The following KCNMA1 variants were observed in gnomAD, a reference collection of about 807,000 sequenced individuals.
KCNMA1 encodes potassium calcium-activated channel subfamily M alpha 1, also known as Calcium-activated potassium channel subunit alpha-1.
In KCNMA1, 29 loss-of-function variants were observed where a neutral mutation model predicts 140.0. The ratio of observed to expected loss-of-function variants is 0.21; its 90% CI spans 0.15 to 0.28. KCNMA1 has a LOEUF of 0.28. KCNMA1 is among the 10% of genes least tolerant of loss of function. The pLI, the probability that KCNMA1 is intolerant of heterozygous loss-of-function variation, is 1.00. For synonymous variants in KCNMA1, 612 were observed against 611.9 expected (o/e 1.00, Z 0.00); for missense variants, 880 against 1,602.2 (o/e 0.55, Z 7.70).
rs111407568 is a variant in KCNMA1 at position 77,060,912 on chromosome 10, C to A, written c.1749+12185G>T. Among the ~76,000 whole-genome samples, 452 of 152,204 alleles carry A rather than the reference C, an allele frequency of 3.0e-3. 1 individual carries two copies. Among genetic ancestry groups the A allele is most frequent in the African/African-American group, 0.01 (426 of 41,540 alleles). ...CCAGAAGCTAGAAAATGCAAGGAAACAGATTCTCCTCTAGAGCCCCCAGAA... is the reference window on the plus strand; with the variant it reads ...CCAGAAGCTAGAAAATGCAAGGAAAAAGATTCTCCTCTAGAGCCCCCAGAA... On this transcript the variant is annotated intron_variant, in intron 14 of 27. Transcript: ENST00000286628.
intron 2 of KCNMA1, among the ~76,000 whole-genome samples, chr10:77,265,705 C>T (rs2063239723): frequency 6.6e-6 from 1 of 152,034 alleles, no homozygotes; most frequent in Non-Finnish European, 1.5e-5. Flanking sequence ...GTTGAAATAT[C>T]ATCTCCATTG....
downstream of KCNMA1, among the ~76,000 whole-genome samples, chr10:76,882,964 T>C (rs2035261751): frequency 6.6e-6 from 1 of 152,228 alleles, no homozygotes; most frequent in South Asian, 2.1e-4. Flanking sequence ...CTCTTTCTCC[T>C]TCAAGGAGCC....
intron 1 of KCNMA1, among the ~76,000 whole-genome samples, chr10:77,586,037 T>C (rs1227325335): frequency 2.6e-5 from 4 of 152,206 alleles, no homozygotes; most frequent in African/African-American, 9.7e-5. Context: ...CAGAGTGAAA[T>C]GGAACATCCC....
intron 14 of KCNMA1, among the ~76,000 whole-genome samples, chr10:77,047,594 T>C (rs2095142758): frequency 6.6e-6 from 1 of 151,770 alleles, no homozygotes; most frequent in Non-Finnish European, 1.5e-5. Context: ...TGGTCTTTTT[T>C]TTTTTTTTTT....
intron 1 of KCNMA1, among the ~76,000 whole-genome samples, chr10:77,477,707 G>A (rs2154530516): frequency 1.3e-5 from 2 of 152,296 alleles, no homozygotes; most frequent in Non-Finnish European, 2.9e-5. Context: ...CCTTTCTTTA[G>A]AGCTGTGTCC....
At chr10:76,953,977 TG>T in intron 20 of KCNMA1, 53 bp from the exon 21 acceptor site, 1 of 1,591,730 alleles carries the variant, frequency 6.3e-7, no homozygotes, top group Non-Finnish European at 8.6e-7. Flanking sequence ...AAATTATAAA[TG>T]GAAAGTGCCC....
At chr10:77,317,725 T>C (rs1231514019) in intron 2 of KCNMA1, among the ~76,000 whole-genome samples, 1 of 152,258 alleles carries the variant, frequency 6.6e-6, no homozygotes. Context: ...AAGGCCGCTG[T>C]ACATTTCATT....
chr10:77,090,906 A>G (rs1019637693), intron 9 of KCNMA1: 1 of 291,506 alleles, frequency 3.4e-6, no homozygotes, highest in Non-Finnish European at 6.7e-6. Context: ...TTACTGTATG[A>G]GTCTTGGTTT....
At chr10:76,878,548 G>A (rs1281357187) in intron 29 of KCNMA1, among the ~76,000 whole-genome samples, 1 of 152,094 alleles carries the variant, frequency 6.6e-6, no homozygotes. Context: ...TTTTGAGGTG[G>A]CTTTTATTTC....
chr10:77,637,658 G>A lies in KCNMA1; in HGVS notation c.-16C>T, dbSNP rs2154572213. On this transcript the variant is annotated 5_prime_UTR_variant, in exon 1 of 28. Coordinates refer to ENST00000286628, the MANE Select transcript of KCNMA1 (RefSeq NM_001161352.2). Reference sequence around the variant, plus strand: ...CATTTGCCATAGCTAGCAACGGGCAGCCGGCGCAGGGGCTCGGGGGAGCTC... The same window carrying A: ...CATTTGCCATAGCTAGCAACGGGCAACCGGCGCAGGGGCTCGGGGGAGCTC... 1.3e-6 allele frequency: 2 copies of A among 1,496,878 alleles called. No homozygotes were observed. Among genetic ancestry groups the A allele is most frequent in the East Asian group, 2.5e-5 (1 of 39,986 alleles). 92.7% of individuals were successfully genotyped at this position (1,496,878 alleles called of 1,614,324 possible).
intron 1 of KCNMA1, among the ~76,000 whole-genome samples, chr10:77,588,154 G>T (rs1414250914): frequency 6.6e-6 from 1 of 152,156 alleles, no homozygotes; most frequent in African/African-American, 2.4e-5. Flanking sequence ...CTAAGACAGT[G>T]CCTAAGTGGC....
At chr10:76,923,504 T>A (rs2056675725) in intron 23 of KCNMA1, among the ~76,000 whole-genome samples, 1 of 151,510 alleles carries the variant, frequency 6.6e-6, no homozygotes, top group Non-Finnish European at 1.5e-5. Flanking sequence ...AAGGGTTGGT[T>A]AAGGGGAGGA....
At chr10:77,214,134 G>T (rs542562190) in intron 3 of KCNMA1, among the ~76,000 whole-genome samples, 1 of 152,144 alleles carries the variant, frequency 6.6e-6, no homozygotes, top group Non-Finnish European at 1.5e-5. Context: ...GGAAATGACT[G>T]GTTTCGCTTT....
intron 23 of KCNMA1, among the ~76,000 whole-genome samples, chr10:76,915,500 G>A (rs572960487): frequency 6.6e-5 from 10 of 152,284 alleles, no homozygotes; most frequent in Non-Finnish European, 1.5e-4. Flanking sequence ...TGAGAATACA[G>A]GTTACTATGG....
At chr10:77,080,720 C>T (rs2096544450) in intron 12 of KCNMA1, among the ~76,000 whole-genome samples, 1 of 151,892 alleles carries the variant, frequency 6.6e-6, no homozygotes, top group Admixed American at 6.5e-5. Context: ...GAAAGCGAGC[C>T]CAAATCATGG....
intron 2 of KCNMA1, among the ~76,000 whole-genome samples, chr10:77,343,418 G>A (rs1302641371): frequency 6.6e-6 from 1 of 152,086 alleles, no homozygotes; most frequent in East Asian, 1.9e-4. Context: ...TTTGAGCCCG[G>A]GCAGTCCATC....
chr10:77,502,920 A>T (rs1047810542), intron 1 of KCNMA1, among the ~76,000 whole-genome samples: 5 of 152,352 alleles, frequency 3.3e-5, no homozygotes, highest in African/African-American at 1.2e-4. Flanking sequence ...TCATTAGTGT[A>T]TAATCCATAC....
At position 77,198,233 on chromosome 10, in the gene KCNMA1, G is replaced by A. The variant is rs540923813; in HGVS notation, c.603-13317C>T. On this transcript the variant is annotated intron_variant, in intron 3 of 27. Coordinates refer to ENST00000286628, the MANE Select transcript of KCNMA1 (RefSeq NM_001161352.2). ...GCTGAAGCGGGTCAGATAAATAAGA[G>A]ACAGTTAAGTGCCAACATCCTTAAC... Among the ~76,000 whole-genome samples, 4 of 152,168 alleles carry A rather than the reference G, an allele frequency of 2.6e-5. No individual in the cohort carries two copies. In the East Asian group the frequency reaches 7.7e-4, roughly 29 times the overall value.
intron 23 of KCNMA1, among the ~76,000 whole-genome samples, chr10:76,920,020 G>GTATATATATATATATATATATATATA (rs1169838049): frequency 2.6e-4 from 9 of 34,428 alleles, no homozygotes; most frequent in East Asian, 1.3e-3. Context: ...GTGTGTGTGT[G>GTATATATATATATATATATATATATA]TATATATATA....
Sources: gnomAD v4.1 joint callset for allele counts (sites outside exome capture counted in the v4.1 genomes callset) on GRCh38, gnomAD v4.1.1 for gene constraint, MANE v1.5 for transcripts, NCBI Gene and HGNC (gene_info 2026-07-23, HGNC 2026-07-21) for gene names.